CHAC1: variants seen among roughly 807,000 people sequenced by gnomAD.
CHAC1 encodes glutathione-specific gamma-glutamylcyclotransferase 1.
Under a neutral mutation model 22.1 loss-of-function variants are expected in CHAC1, and 22 were observed. The ratio of observed to expected loss-of-function variants is 1.00; its 90% CI spans 0.71 to 1.42. CHAC1 has a LOEUF of 1.42. Ranked by LOEUF, CHAC1 falls within the 40% of genes most tolerant of loss-of-function variation. The probability of loss-of-function intolerance (pLI) is 0.00; values close to 1 mark genes in which losing one functional copy is unlikely to be tolerated. For missense variants in CHAC1, 272 were observed against 299.2 expected (o/e 0.91, Z 0.67); for synonymous variants, 145 against 128.7 (o/e 1.13, Z -0.86).
rs886853721 is a variant in CHAC1 at position 40,955,362 on chromosome 15, T to C, written c.268-11T>C. The C allele has an allele frequency of 2.5e-6, 4 of 1,612,928 alleles. No homozygotes were observed. Among genetic ancestry groups the C allele is most frequent in the Admixed American group, 1.7e-5 (1 of 59,992 alleles). ...TCATGACTGACCCCGGGTGTCCCTA[T>C]TTCTTCCCAGGGCTGCACTTGGGGC... On this transcript the variant is annotated splice_polypyrimidine_tract_variant and intron_variant, in intron 2 of 2. Coordinates refer to ENST00000617768, the MANE Select transcript of CHAC1 (RefSeq NM_024111.6).
intron 2 of CHAC1, among the ~76,000 whole-genome samples, chr15:40,954,575 GT>G (rs56101122): frequency 0.51 from 76,625 of 149,664 alleles, 20,081 homozygotes; most frequent in South Asian, 0.7. Flanking sequence ...TTTGTCAACT[GT>G]TTTTTTTTTT....
At position 40,955,825 on chromosome 15, in the gene CHAC1, C is replaced by T. The variant is rs751248149; in HGVS notation, c.*51C>T. On this transcript the variant is annotated 3_prime_UTR_variant, in exon 3 of 3. Transcript: ENST00000617768. ...TCATGTGGACATCAGGGCCAGACAC[C>T]CACTCCAGTGCACAAGACAGACTTG... 6.6e-7 allele frequency: 1 copy of T among 1,509,358 alleles called. No individual in the cohort carries two copies. The highest frequency in any genetic ancestry group is 1.4e-5 in the African/African-American group (1 of 72,950). 93.5% of individuals were successfully genotyped at this position (1,509,358 alleles called of 1,614,324 possible).
rs1893157467 is a variant in CHAC1, at chr15:40,953,644, G to A, written c.61G>A (p.Ala21Thr). Residue 21 changes from alanine (A) to threonine (T), a missense_variant, in exon 1 of 3, where the codon GCT becomes ACT. Ala to Thr is a moderately conservative substitution (Grantham distance 58, BLOSUM62 0). Transcript: ENST00000617768. ...PPTSQSPTPS[A>T]QFPRNDGDPQ... ...CACCTCGCAGTCCCCTACGCCGTCC[G>A]CTCAGTTCCCCCGAAACGACGGCGA... is the stretch of plus-strand genomic sequence containing the variant. 6.2e-7 allele frequency: 1 copy of A among 1,609,486 alleles called. No individual in the cohort carries two copies.
chr15:40,955,852 G>T lies in CHAC1; in HGVS notation c.*78G>T. 4 of 1,420,068 alleles carry T rather than the reference G, an allele frequency of 2.8e-6. No individual in the cohort carries two copies. Among genetic ancestry groups the T allele is most frequent in the South Asian group, 1.4e-5 (1 of 71,234 alleles). The allele number at this position is 1,420,068 out of a possible 1,614,324, so 88.0% of individuals were successfully genotyped here. On this transcript the variant is annotated 3_prime_UTR_variant, in exon 3 of 3. Transcript: ENST00000617768. ...ACTCCAGTGCACAAGACAGACTTGC[G>T]ACCGCTTGAGCCCACTGAGCAGATA...
chr15:40,954,192 A>G (rs762410106), intron 1 of CHAC1, 36 bp from the exon 2 acceptor site: 2 of 1,611,592 alleles, frequency 1.2e-6, no homozygotes, highest in Non-Finnish European at 1.7e-6. Flanking sequence ...GCTGATTTCT[A>G]ACTTGTCTAT....
Position 40,955,829 on chromosome 15 carries a change from T to A in CHAC1, c.*55T>A, listed in dbSNP as rs903327686. ...GTGGACATCAGGGCCAGACACCCAC[T>A]CCAGTGCACAAGACAGACTTGCGAC... On this transcript the variant is annotated 3_prime_UTR_variant, in exon 3 of 3. Coordinates refer to ENST00000617768, the MANE Select transcript of CHAC1 (RefSeq NM_024111.6). 8.0e-5 allele frequency: 120 copies of A among 1,498,454 alleles called. 1 individual carries two copies. In the Middle Eastern group the frequency reaches 8.8e-4, roughly 11 times the overall value. 92.8% of individuals were successfully genotyped at this position (1,498,454 alleles called of 1,614,324 possible).
At position 40,953,503 on chromosome 15, in the gene CHAC1, G is replaced by T. The variant is rs749243527; in HGVS notation, c.-81G>T. Reference sequence around the variant, plus strand: ...GCTACCGAGCGGTGCCAGGCCAGGTGTGTGCGTCCGTCGGTCTTTCCGTGC... The same window carrying T: ...GCTACCGAGCGGTGCCAGGCCAGGTTTGTGCGTCCGTCGGTCTTTCCGTGC... On this transcript the variant is annotated 5_prime_UTR_variant, in exon 1 of 3. Transcript: ENST00000617768. 6.3e-7 allele frequency: 1 copy of T among 1,588,556 alleles called. No homozygotes were observed. The highest frequency in any genetic ancestry group is 8.5e-7 in the Non-Finnish European group (1 of 1,170,788).
rs56101122 is a variant in CHAC1, at chr15:40,954,575, G to GT, written c.267+324dup. ...CTGGTACTAGACCACTTTGTCAACT[G>GT]TTTTTTTTTTTTGTTGTTGTTGTTG... On this transcript the variant is annotated intron_variant, in intron 2 of 2. Transcript: ENST00000617768. 2.3e-3 allele frequency among the ~76,000 whole-genome samples: 345 copies of GT among 149,900 alleles called. 1 individual carries two copies. The highest frequency in any genetic ancestry group is 6.9e-3 in the African/African-American group (282 of 40,832).
chr15:40,955,386 G>A lies in CHAC1; in HGVS notation c.281G>A (p.Gly94Asp). ...ATTTCTTCCCAGGGCTGCACTTGGG[G>A]CGTGGCATACCAAGTGCAAGGGGAG... ...LLEDHEGCTW[G>D]VAYQVQGEQV... The change falls in exon 3 of 3, where the codon GGC (glycine) becomes GAC (aspartate). Residue 94 changes from glycine (G) to aspartate (D), a missense_variant. By Grantham distance (94) the Gly-to-Asp change is moderately conservative (BLOSUM62 -1). Coordinates refer to ENST00000617768, the MANE Select transcript of CHAC1 (RefSeq NM_024111.6). 6.2e-7 allele frequency: 1 copy of A among 1,613,864 alleles called. No individual in the cohort carries two copies.
Position 40,955,976 on chromosome 15 carries a change from T to C in CHAC1, c.*202T>C. 1 of 601,324 alleles carries C rather than the reference T, an allele frequency of 1.7e-6. No individual in the cohort carries two copies. The highest frequency in any genetic ancestry group is 2.9e-6 in the Non-Finnish European group (1 of 347,214). 37.2% of individuals were successfully genotyped at this position (601,324 alleles called of 1,614,324 possible). ...GACTTACTACTTGAAACTTTATTTA[T>C]TGCACCATGTTGGTGTGGTGGGCAG... On this transcript the variant is annotated 3_prime_UTR_variant, in exon 3 of 3. Coordinates refer to ENST00000617768, the MANE Select transcript of CHAC1 (RefSeq NM_024111.6).
chr15:40,955,703 G>A lies in CHAC1; in HGVS notation c.598G>A (p.Ala200Thr). The change falls in exon 3 of 3, where the codon GCC (alanine) becomes ACC (threonine). Residue 200 changes from alanine (A) to threonine (T), a missense_variant. Transcript: ENST00000617768. ...GPQAQDEHLAAIVDAVGTMLP... is the reference protein window; with the variant it reads ...GPQAQDEHLATIVDAVGTMLP... ...TCAGGCGCAGGACGAGCACCTGGCA[G>A]CCATCGTGGACGCTGTGGGCACCAT... is the stretch of plus-strand genomic sequence containing the variant. 6.2e-7 allele frequency: 1 copy of A among 1,607,884 alleles called. No homozygotes were observed. Among genetic ancestry groups the A allele is most frequent in the Non-Finnish European group, 8.5e-7 (1 of 1,179,962 alleles).
In CHAC1 at chr15:40,953,754, G is replaced by A. The variant is rs2060134289; in HGVS notation, c.171G>A (p.Val57=). The A allele has an allele frequency of 1.2e-6, 2 of 1,600,900 alleles. No individual in the cohort carries two copies. The highest frequency in any genetic ancestry group is 1.7e-5 in the Admixed American group (1 of 59,984). The change falls in exon 1 of 3, where the codon GTG becomes GTA. Residue 57 remains valine, a synonymous_variant. Coordinates refer to ENST00000617768, the MANE Select transcript of CHAC1 (RefSeq NM_024111.6). ...ACAGCGACAGCCGTGTGGGCTTCGTGCGCGGCTACAGCCGCCGTTTCTGGC... is the reference window on the plus strand; with the variant it reads ...ACAGCGACAGCCGTGTGGGCTTCGTACGCGGCTACAGCCGCCGTTTCTGGC... ...FAYSDSRVGF[V]RGYSRRFWQG...
Position 40,956,100 on chromosome 15 carries a change from C to T in CHAC1, c.*326C>T, listed in dbSNP as rs899469574. On this transcript the variant is annotated 3_prime_UTR_variant, in exon 3 of 3. Coordinates refer to ENST00000617768, the MANE Select transcript of CHAC1 (RefSeq NM_024111.6). ...CAGTGCTGCTGCTAACCCCACACCA[C>T]CCAGGCCTCCACCTCCCCAGGGAGT... 3 of 277,352 alleles carry T rather than the reference C, an allele frequency of 1.1e-5. No individual in the cohort carries two copies. The highest frequency in any genetic ancestry group is 6.8e-6 in the Non-Finnish European group (1 of 146,012). The allele number at this position is 277,352 out of a possible 1,614,324, so 17.2% of individuals were successfully genotyped here.
In CHAC1 at chr15:40,955,639, C is replaced by T. The variant is rs756443102; in HGVS notation, c.534C>T (p.Tyr178=). ...CRGFSGHNLE[Y]LLRLADFMQL... ...GCTTCTCCGGCCACAACCTTGAATA[C>T]TTGCTGCGTCTGGCAGACTTCATGC... is the stretch of plus-strand genomic sequence containing the variant. Residue 178 remains tyrosine, a synonymous_variant, in exon 3 of 3, where the codon TAC becomes TAT. Transcript: ENST00000617768. 5 of 1,613,438 alleles carry T rather than the reference C, an allele frequency of 3.1e-6. No individual in the cohort carries two copies. The highest frequency in any genetic ancestry group is 4.2e-6 in the Non-Finnish European group (5 of 1,180,044).
Position 40,953,716 on chromosome 15 carries a change from C to T in CHAC1, c.133C>T (p.Pro45Ser), listed in dbSNP as rs1401776735. Residue 45 changes from proline (P) to serine (S), a missense_variant, in exon 1 of 3, where the codon CCC becomes TCC. Coordinates refer to ENST00000617768, the MANE Select transcript of CHAC1 (RefSeq NM_024111.6). ...CGGGTACGGCTCCCTGGTGTGGAGG[C>T]CCGACTTCGCCTACAGCGACAGCCG... ...IFGYGSLVWRPDFAYSDSRVG... is the reference protein window; with the variant it reads ...IFGYGSLVWRSDFAYSDSRVG... 6.2e-7 allele frequency: 1 copy of T among 1,605,096 alleles called. No homozygotes were observed.
chr15:40,954,290 C>A (rs770855006), intron 2 of CHAC1, 27 bp downstream of exon 2: 1 of 1,613,222 alleles, frequency 6.2e-7, no homozygotes, highest in Non-Finnish European at 8.5e-7. Context: ...TGAAGGGGAA[C>A]CCTGGCCCAG....
At chr15:40,954,105 G>A (rs1285622142) in intron 1 of CHAC1, 123 bp from the exon 2 acceptor site, 10 of 968,830 alleles carry the variant, frequency 1.0e-5, no homozygotes, top group Non-Finnish European at 1.1e-5. Flanking sequence ...CTGCATGAAT[G>A]GGACTCAGCA....
At position 40,954,228 on chromosome 15, in the gene CHAC1, C is replaced by T. The variant is rs1394291891; in HGVS notation, c.232C>T (p.Pro78Ser). Residue 78 changes from proline to serine, a missense_variant and splice_region_variant, in exon 2 of 3, where the codon CCT becomes TCT. Coordinates refer to ENST00000617768, the MANE Select transcript of CHAC1 (RefSeq NM_024111.6). ...TTCAAAATATTTCTTCCCTCCCTAG[C>T]CTGGCCGTGTGGTGACGCTCCTTGA... ...DTFHRGSDKM[P>S]GRVVTLLEDH... 2.5e-6 allele frequency: 4 copies of T among 1,614,070 alleles called. No homozygotes were observed. The highest frequency in any genetic ancestry group is 8.5e-7 in the Non-Finnish European group (1 of 1,179,986).
chr15:40,954,529 T>C (rs577731880), intron 2 of CHAC1, among the ~76,000 whole-genome samples: 1 of 152,272 alleles, frequency 6.6e-6, no homozygotes, highest in Non-Finnish European at 1.5e-5. Context: ...GACCACACTT[T>C]GAGGAGGAAT....
Sources: allele counts gnomAD v4.1 joint callset (sites outside exome capture counted in the v4.1 genomes callset), GRCh38; gene constraint gnomAD v4.1.1; transcripts MANE v1.5; gene names NCBI Gene and HGNC (gene_info 2026-07-23, HGNC 2026-07-21).